Variants in IGF1R observed in about 807,000 individuals in gnomAD.
IGF1R encodes insulin like growth factor 1 receptor.
A neutral mutation model predicts 144.6 loss-of-function variants in IGF1R; 44 were observed. The ratio of observed to expected loss-of-function variants is 0.30; its 90% confidence interval spans 0.24 to 0.39. The LOEUF is 0.39. IGF1R is among the 10% of genes least tolerant of loss of function. The pLI is 1.00. For synonymous variants in IGF1R, 795 were observed against 722.8 expected (o/e 1.10, Z -1.60); for missense variants, 1,355 against 1,833.7 (o/e 0.74, Z 4.77).
intron 1 of IGF1R, chr15:98,650,751 T>G: frequency 3.2e-6 from 1 of 310,536 alleles, no homozygotes; most frequent in Non-Finnish European, 4.7e-6. Context: ...GGCCTTGGTT[T>G]TGTTGTGGTC....
chr15:98,708,349 G>A (rs1234694641), intron 2 of IGF1R, among the ~76,000 whole-genome samples: 5 of 152,184 alleles, frequency 3.3e-5, no homozygotes, highest in Non-Finnish European at 7.3e-5. Context: ...CATGGCTGCT[G>A]TCAAGACTGT....
chr15:98,923,776 C>A, intron 11 of IGF1R, 100 bp from the exon 12 acceptor site: 1 of 959,378 alleles, frequency 1.0e-6, no homozygotes, highest in South Asian at 1.3e-5. Context: ...CTCCACTGTC[C>A]TGCCCGTGTG....
At chr15:98,930,581 TTTAA>T (rs1174084289) in intron 15 of IGF1R, among the ~76,000 whole-genome samples, 2 of 152,228 alleles carry the variant, frequency 1.3e-5, no homozygotes, top group East Asian at 3.8e-4. Context: ...AATCAATTTA[TTTAA>T]TTGCTTGAGA....
chr15:98,728,448 C>G (rs1029355063), intron 2 of IGF1R, among the ~76,000 whole-genome samples: 1 of 152,228 alleles, frequency 6.6e-6, no homozygotes, highest in South Asian at 2.1e-4. Context: ...TTCACATCAC[C>G]TCCCAGCAAG....
intron 2 of IGF1R, among the ~76,000 whole-genome samples, chr15:98,798,635 ACTGT>A (rs2056298360): frequency 1.3e-5 from 2 of 152,102 alleles, no homozygotes; most frequent in Non-Finnish European, 2.9e-5. Context: ...CACCAGCAAG[ACTGT>A]CTGGTGCACA....
chr15:98,925,709 C>G (rs2015688199), intron 13 of IGF1R, among the ~76,000 whole-genome samples: 1 of 152,178 alleles, frequency 6.6e-6, no homozygotes, highest in Admixed American at 6.5e-5. Context: ...TTGAGACTAG[C>G]CTGGCCAACA....
In IGF1R at chr15:98,851,394, C is replaced by T. The variant is rs74355835; in HGVS notation, c.641-39931C>T. ...AGCTTGGACAGTCTGGCTGTCTGGC[C>T]AAGAGTGACAACGTGACTTACCATC... On this transcript the variant is annotated intron_variant, in intron 2 of 20. Coordinates refer to ENST00000650285, the MANE Select transcript of IGF1R (RefSeq NM_000875.5). 2.0e-4 allele frequency among the ~76,000 whole-genome samples: 31 copies of T among 152,254 alleles called. 1 individual carries two copies. In the East Asian group the frequency reaches 5.6e-3, roughly 28 times the overall value.
At chr15:98,882,451 G>A (rs139084084) in intron 2 of IGF1R, among the ~76,000 whole-genome samples, 9 of 152,362 alleles carry the variant, frequency 5.9e-5, no homozygotes, top group African/African-American at 2.2e-4. Flanking sequence ...AAGTGTTTCA[G>A]ATCAGTATGC....
intron 18 of IGF1R, among the ~76,000 whole-genome samples, chr15:98,941,304 C>A (rs113290666): frequency 1.3e-5 from 2 of 152,222 alleles, no homozygotes; most frequent in Non-Finnish European, 2.9e-5. Flanking sequence ...TTATTCCCAC[C>A]CTCCGGGCAC....
intron 1 of IGF1R, among the ~76,000 whole-genome samples, chr15:98,698,933 T>C (rs1028996302): frequency 6.6e-6 from 1 of 152,222 alleles, no homozygotes; most frequent in African/African-American, 2.4e-5. Context: ...TGGAGCATTG[T>C]AGGGCAAGGT....
rs901570110 is a variant in IGF1R, at chr15:98,857,238, A to C, written c.641-34087A>C. On this transcript the variant is annotated intron_variant, in intron 2 of 20. Transcript: ENST00000650285. The stretch of plus-strand genomic sequence containing the variant: ...TATTTATTTATTTATTTTTTAATTG[A>C]GACAGAGTCTCACCCTTTCGCCCAA... Among the ~76,000 whole-genome samples the C allele has an allele frequency of 1.3e-5, 2 of 152,154 alleles. 1 individual carries two copies. The highest frequency in any genetic ancestry group is 1.3e-4 in the Admixed American group (2 of 15,270).
At position 98,963,704 on chromosome 15, in the gene IGF1R, G is replaced by C. The variant is rs560446585; in HGVS notation, c.*6262G>C. 1 of 233,218 alleles carries C rather than the reference G, an allele frequency of 4.3e-6. No individual in the cohort carries two copies. The highest frequency in any genetic ancestry group is 8.5e-6 in the Non-Finnish European group (1 of 118,006). The allele number at this position is 233,218 out of a possible 1,614,324, so 14.4% of individuals were successfully genotyped here. A position where few individuals can be genotyped will look rare whatever the true frequency, so the allele number is the denominator to read the frequency against. On this transcript the variant is annotated 3_prime_UTR_variant, in exon 21 of 21. Coordinates refer to ENST00000650285, the MANE Select transcript of IGF1R (RefSeq NM_000875.5). Reference sequence around the variant, plus strand: ...CACAGGCCATTTGCTTACATGCCTCGTATCATGACTGATTACTGCTTTGTT... The same window carrying C: ...CACAGGCCATTTGCTTACATGCCTCCTATCATGACTGATTACTGCTTTGTT...
At chr15:98,672,021 A>G (rs1314009259) in intron 1 of IGF1R, among the ~76,000 whole-genome samples, 1 of 152,214 alleles carries the variant, frequency 6.6e-6, no homozygotes, top group East Asian at 1.9e-4. Context: ...TGGTGTGTAT[A>G]TTAATATAAT....
chr15:98,695,381 G>A (rs1170945023), intron 1 of IGF1R, among the ~76,000 whole-genome samples: 2 of 152,182 alleles, frequency 1.3e-5, no homozygotes, highest in Admixed American at 6.5e-5. Context: ...CAGCATGCAC[G>A]ATGTGTGTGA....
chr15:98,778,270 T>C (rs2055770378), intron 2 of IGF1R, among the ~76,000 whole-genome samples: 1 of 152,214 alleles, frequency 6.6e-6, no homozygotes, highest in East Asian at 1.9e-4. Context: ...ACTGAGAAGC[T>C]TTGAGGCATG....
chr15:98,902,003 T>A (rs1442489812), intron 5 of IGF1R, among the ~76,000 whole-genome samples: 1 of 152,198 alleles, frequency 6.6e-6, no homozygotes, highest in African/African-American at 2.4e-5. Context: ...GGCTTTTGAA[T>A]AGAGGAGTGT....
chr15:98,883,987 A>G (rs2013512218), intron 2 of IGF1R, among the ~76,000 whole-genome samples: 1 of 152,194 alleles, frequency 6.6e-6, no homozygotes, highest in Non-Finnish European at 1.5e-5. Flanking sequence ...TTCCACAAAT[A>G]CATTATTATT....
intron 2 of IGF1R, among the ~76,000 whole-genome samples, chr15:98,886,912 G>A (rs1283517674): frequency 6.6e-6 from 1 of 152,128 alleles, no homozygotes; most frequent in African/African-American, 2.4e-5. Flanking sequence ...CATGGTGTCC[G>A]TCTCTGCAGC....
Position 98,922,313 on chromosome 15 carries a change from C to G in IGF1R, c.2367C>G (p.Val789=), listed in dbSNP as rs1489960218. Residue 789 remains valine, a synonymous_variant, in exon 11 of 21, where the codon GTC becomes GTG. Coordinates refer to ENST00000650285, the MANE Select transcript of IGF1R (RefSeq NM_000875.5). The part of the protein sequence containing the change: ...ESRVDNKERT[V]ISNLRPFTLY... ...GAGTGGATAACAAGGAGAGAACTGTCATTTCTAACCTTCGGCCTTTCACAT... is the reference window on the plus strand; with the variant it reads ...GAGTGGATAACAAGGAGAGAACTGTGATTTCTAACCTTCGGCCTTTCACAT... The G allele has an allele frequency of 5.0e-6, 8 of 1,614,192 alleles. No individual in the cohort carries two copies. The South Asian group carries it at 7.7e-5, about 16-fold the overall frequency.
Sources: allele counts gnomAD v4.1 joint callset (sites outside exome capture counted in the v4.1 genomes callset), GRCh38; gene constraint gnomAD v4.1.1; transcripts MANE v1.5; gene names NCBI Gene and HGNC (gene_info 2026-07-23, HGNC 2026-07-21).